Variants in NCALD observed in about 807,000 individuals in gnomAD.
The protein encoded by NCALD is neurocalcin-delta.
NCALD carries 10 observed loss-of-function variants against 18.6 expected under a neutral mutation model. That is an observed-to-expected ratio of 0.54 (90% CI 0.33 to 0.91). The LOEUF (loss-of-function observed/expected upper bound fraction) is 0.91. Among genes scored for constraint, NCALD ranks in the 40% least tolerant of loss-of-function variants. The pLI is 0.03. For missense variants in NCALD, 184 were observed against 247.6 expected, an observed-to-expected ratio of 0.74 and a Z score of 1.72; for synonymous variants, 88 against 87.4, an observed-to-expected ratio of 1.01 and a Z score of -0.04.
chr8:102,099,203 T>G (rs962708130), intron 1 of NCALD, among the ~76,000 whole-genome samples: 2 of 152,234 alleles, frequency 1.3e-5, no homozygotes, highest in Non-Finnish European at 2.9e-5. Context: ...GATATCTGTC[T>G]CCTGCAAACA....
At chr8:101,964,786 A>G (rs113632581) in intron 2 of NCALD, among the ~76,000 whole-genome samples, 1 of 152,230 alleles carries the variant, frequency 6.6e-6, no homozygotes, top group Non-Finnish European at 1.5e-5. Flanking sequence ...TTTTGAAAGA[A>G]GAATGATATC....
At chr8:101,928,695 A>AT (rs1022394124) in intron 2 of NCALD, among the ~76,000 whole-genome samples, 1 of 145,614 alleles carries the variant, frequency 6.9e-6, no homozygotes, top group African/African-American at 2.6e-5. Flanking sequence ...CTGTTTATTC[A>AT]TTTTCAGGAC....
chr8:101,992,141 G>A (rs1363907152), intron 2 of NCALD, among the ~76,000 whole-genome samples: 2 of 152,192 alleles, frequency 1.3e-5, no homozygotes, highest in Non-Finnish European at 2.9e-5. Context: ...ATGGGCTGCT[G>A]ACATATCCTT....
Position 101,689,901 on chromosome 8 carries a change from G to A in NCALD, c.485-495C>T, listed in dbSNP as rs943841337. Among the ~76,000 whole-genome samples, 1 of 152,228 alleles carries A rather than the reference G, an allele frequency of 6.6e-6. No homozygotes were observed. The highest frequency in any genetic ancestry group is 2.4e-5 in the African/African-American group (1 of 41,464). On this transcript the variant is annotated intron_variant, in intron 3 of 3. Coordinates refer to ENST00000220931, the MANE Select transcript of NCALD (RefSeq NM_032041.3). This position sits in a 1 kb window ranked among gnomAD's most constrained non-coding sequence, Gnocchi z 4.4. ...GCCACTCTGTGTTCTTAGGTTTGCT[G>A]CAAGAGCCCATCCTATCTTGGGGAA...
At chr8:102,027,243 T>C (rs1209674540) in intron 1 of NCALD, among the ~76,000 whole-genome samples, 2 of 152,228 alleles carry the variant, frequency 1.3e-5, no homozygotes, top group Non-Finnish European at 2.9e-5. Flanking sequence ...AGAAAATAGT[T>C]CTTTTCTATT....
At chr8:101,929,850 A>T (rs557693350) in intron 2 of NCALD, among the ~76,000 whole-genome samples, 1 of 152,264 alleles carries the variant, frequency 6.6e-6, no homozygotes, top group African/African-American at 2.4e-5. Context: ...GTTCGAGACC[A>T]GCCTGACCAA....
At chr8:101,915,370 C>G (rs1209805517) in intron 3 of NCALD, 1 of 152,158 alleles carries the variant, frequency 6.6e-6, no homozygotes, top group Non-Finnish European at 1.5e-5. Context: ...CTGTTATGTG[C>G]CCATTAGGTG....
At position 101,689,256 on chromosome 8, in the gene NCALD, A is replaced by G; in HGVS notation, c.*53T>C. 1 of 1,549,048 alleles carries G rather than the reference A, an allele frequency of 6.5e-7. No individual in the cohort carries two copies. Among genetic ancestry groups the G allele is most frequent in the South Asian group, 1.2e-5 (1 of 84,796 alleles). ...AAAAAAAAAAAAATTGTTAAAAAGA[A>G]GAATCAAAAGGGAACACAAGCAGCT... On this transcript the variant is annotated 3_prime_UTR_variant, in exon 4 of 4. Transcript: ENST00000220931. This position sits in a 1 kb window ranked among gnomAD's most constrained non-coding sequence, Gnocchi z 4.4.
intron 4 of NCALD, among the ~76,000 whole-genome samples, chr8:101,860,085 T>C (rs1271099742): frequency 1.3e-5 from 2 of 152,206 alleles, no homozygotes; most frequent in Non-Finnish European, 2.9e-5. Flanking sequence ...CCATGGAACA[T>C]TGTCTTCAAA....
chr8:102,019,435 C>T (rs1822198276), intron 2 of NCALD, among the ~76,000 whole-genome samples: 1 of 152,042 alleles, frequency 6.6e-6, no homozygotes, highest in South Asian at 2.1e-4. Flanking sequence ...ATGTATTCAA[C>T]AGAAATACGT....
At chr8:101,843,300 G>T (rs1434772578) in intron 4 of NCALD, among the ~76,000 whole-genome samples, 2 of 152,174 alleles carry the variant, frequency 1.3e-5, no homozygotes, top group Admixed American at 6.5e-5. Flanking sequence ...TTTGCTGTGG[G>T]AACTTCTCAA....
At chr8:101,929,507 G>A (rs1586772107) in intron 2 of NCALD, among the ~76,000 whole-genome samples, 1 of 40,026 alleles carries the variant, frequency 2.5e-5, no homozygotes. Context: ...AAAGGGAAGG[G>A]AAGGAGGGAG....
chr8:101,847,426 G>C (rs1814913944), intron 4 of NCALD: 1 of 170,676 alleles, frequency 5.9e-6, no homozygotes, highest in Non-Finnish European at 1.3e-5. Context: ...CTTCCATCTT[G>C]AGACAACAGT....
intron 2 of NCALD, among the ~76,000 whole-genome samples, chr8:101,954,110 G>A (rs946343603): frequency 2.0e-5 from 3 of 152,194 alleles, no homozygotes; most frequent in African/African-American, 7.2e-5. Flanking sequence ...TGTGGGAGCT[G>A]CATTTGAAGT....
chr8:102,045,355 C>T lies in NCALD; in HGVS notation c.-209-25066G>A, dbSNP rs190973664. ...TGCACTTTAACCTCACTGAAATGCA[C>T]ATAGCTCACAAATAGACTAGGAATG... On this transcript the variant is annotated intron_variant, in intron 1 of 6. Transcript: ENST00000311028. 1.4e-3 allele frequency among the ~76,000 whole-genome samples: 220 copies of T among 152,308 alleles called. 3 individuals carry two copies. Among genetic ancestry groups the T allele is most frequent in the Admixed American group, 0.014 (211 of 15,302 alleles).
Position 101,879,748 on chromosome 8 carries a change from A to T in NCALD, c.-20+7393T>A, listed in dbSNP as rs569909116. Among the ~76,000 whole-genome samples the T allele has an allele frequency of 5.7e-4, 87 of 152,302 alleles. 3 individuals are homozygous for T. In the South Asian group the frequency reaches 0.017, roughly 30 times the overall value. The stretch of plus-strand genomic sequence containing the variant: ...TGCATTTACAATCCCTGAGCTAGAC[A>T]CAAAAGTTTTCCAAGTCCCCACTAG... On this transcript the variant is annotated intron_variant, in intron 4 of 6. Transcript: ENST00000311028.
intron 1 of NCALD, among the ~76,000 whole-genome samples, chr8:101,741,383 T>C (rs184837579): frequency 1.3e-5 from 2 of 152,266 alleles, no homozygotes; most frequent in African/African-American, 4.8e-5. Flanking sequence ...CACAGCTCCA[T>C]AGAGGTGATC....
chr8:101,959,118 C>T (rs1433060846), intron 2 of NCALD, among the ~76,000 whole-genome samples: 2 of 152,186 alleles, frequency 1.3e-5, no homozygotes, highest in African/African-American at 2.4e-5. Context: ...TTCTGAGTCA[C>T]TGGTTGCATT....
intron 2 of NCALD, among the ~76,000 whole-genome samples, chr8:101,990,894 A>C (rs1323819685): frequency 6.6e-6 from 1 of 152,180 alleles, no homozygotes; most frequent in East Asian, 1.9e-4. Context: ...TAACTTGCAG[A>C]ACAAAAATCC....
Sources: allele counts gnomAD v4.1 joint callset (sites outside exome capture counted in the v4.1 genomes callset), GRCh38; gene constraint gnomAD v4.1.1; non-coding constraint Gnocchi (gnomAD v3.1); transcripts MANE v1.5; gene names NCBI Gene and HGNC (gene_info 2026-07-23, HGNC 2026-07-21).